The following DPYD variants were observed in gnomAD, a reference collection of about 807,000 sequenced individuals.
DPYD encodes the protein dihydropyrimidine dehydrogenase [NADP(+)].
Under a neutral mutation model 116.2 loss-of-function variants are expected in DPYD, and 109 were observed. That is an observed-to-expected ratio of 0.94 (90% CI 0.80 to 1.10). The LOEUF (loss-of-function observed/expected upper bound fraction) is 1.10, where lower values mean the gene tolerates loss of function less well. Among genes scored for constraint, DPYD ranks in the 50% least tolerant of loss-of-function variants. The pLI is 0.00. For missense variants in DPYD, 1,302 were observed against 1,254.5 expected (o/e 1.04, Z -0.57); for synonymous variants, 440 against 432.0 (o/e 1.02, Z -0.23).
Position 97,140,682 on chromosome 1 carries a change from C to G in DPYD, c.2623-42050G>C, listed in dbSNP as rs186608373. Among the ~76,000 whole-genome samples the G allele has an allele frequency of 3.9e-4, 60 of 152,178 alleles. 1 individual carries two copies. The highest frequency in any genetic ancestry group is 1.4e-3 in the African/African-American group (58 of 41,536). ...ATCACAGACGACCTAAGCATCCGGCCTTTTCTCTACTGATGCTATAGGGCC... is the reference window on the plus strand; with the variant it reads ...ATCACAGACGACCTAAGCATCCGGCGTTTTCTCTACTGATGCTATAGGGCC... On this transcript the variant is annotated intron_variant, in intron 20 of 22. Transcript: ENST00000370192.
intron 19 of DPYD, among the ~76,000 whole-genome samples, chr1:97,225,008 T>G (rs533966374): frequency 4.9e-5 from 1 of 20,580 alleles, no homozygotes; most frequent in Non-Finnish European, 1.1e-4. Flanking sequence ...TGTCTGTCTA[T>G]CTATCTATCT....
chr1:97,382,260 T>C (rs576526370), intron 15 of DPYD, 133 bp downstream of exon 15: 10 of 497,586 alleles, frequency 2.0e-5, no homozygotes, highest in African/African-American at 1.6e-4. Flanking sequence ...CAAATTATAA[T>C]AGAAATGTTT....
At chr1:97,697,088 T>C (rs1661349577) in intron 6 of DPYD, among the ~76,000 whole-genome samples, 1 of 152,128 alleles carries the variant, frequency 6.6e-6, no homozygotes, top group Non-Finnish European at 1.5e-5. Context: ...TTTATCTTTG[T>C]TATAATATCA....
At chr1:97,112,425 C>T (rs1405055314) in intron 20 of DPYD, among the ~76,000 whole-genome samples, 1 of 152,042 alleles carries the variant, frequency 6.6e-6, no homozygotes, top group Admixed American at 6.6e-5. Flanking sequence ...TGATAGTTGA[C>T]AAGTAAATGT....
chr1:97,756,521 G>T (rs1235087443), intron 3 of DPYD, among the ~76,000 whole-genome samples: 1 of 152,082 alleles, frequency 6.6e-6, no homozygotes, highest in African/African-American at 2.4e-5. Context: ...TAAACAGAAA[G>T]AAGAAGAGAA....
intron 20 of DPYD, among the ~76,000 whole-genome samples, chr1:97,131,295 G>A (rs1326139733): frequency 6.6e-6 from 1 of 152,108 alleles, no homozygotes; most frequent in African/African-American, 2.4e-5. Flanking sequence ...TCCCTAACTT[G>A]AGGTAAAAAG....
At chr1:97,763,232 T>C (rs1034483014) in intron 3 of DPYD, among the ~76,000 whole-genome samples, 3 of 152,066 alleles carry the variant, frequency 2.0e-5, no homozygotes, top group Non-Finnish European at 4.4e-5. Context: ...GCCCATATTG[T>C]ATTCCTTTCT....
rs186560824 is a variant in DPYD, at chr1:97,083,677, C to T, written c.2767-1207G>A. 2.2e-4 allele frequency among the ~76,000 whole-genome samples: 33 copies of T among 152,054 alleles called. 1 individual carries two copies. The East Asian group carries it at 5.2e-3, about 24-fold the overall frequency. On this transcript the variant is annotated intron_variant, in intron 21 of 22. Coordinates refer to ENST00000370192, the MANE Select transcript of DPYD (RefSeq NM_000110.4). ...TTCCATTTTGAAATGCTCCCATAAA[C>T]TCAAGATCTACATTTATCAGCTGCA...
At chr1:97,745,126 G>A (rs188345142) in intron 3 of DPYD, among the ~76,000 whole-genome samples, 1 of 152,016 alleles carries the variant, frequency 6.6e-6, no homozygotes, top group East Asian at 1.9e-4. Flanking sequence ...CTGCTTTTCT[G>A]ATTACACCAC....
At chr1:97,459,918 A>G (rs564644983) in intron 13 of DPYD, among the ~76,000 whole-genome samples, 2 of 152,338 alleles carry the variant, frequency 1.3e-5, no homozygotes, top group South Asian at 4.1e-4. Context: ...TGTGAAAAAC[A>G]TACGCAAAAG....
intron 15 of DPYD, among the ~76,000 whole-genome samples, chr1:97,381,480 T>A (rs538141978): frequency 6.6e-6 from 1 of 152,248 alleles, no homozygotes; most frequent in South Asian, 2.1e-4. Context: ...ATTAGGTAAA[T>A]ACATGTATCA....
chr1:97,603,015 C>T (rs1003458303), intron 8 of DPYD, among the ~76,000 whole-genome samples: 1 of 151,884 alleles, frequency 6.6e-6, no homozygotes, highest in South Asian at 2.1e-4. Flanking sequence ...TCTCTTGAGC[C>T]TTTTCTCTTC....
At chr1:97,210,242 G>A (rs915141784) in intron 19 of DPYD, among the ~76,000 whole-genome samples, 4 of 151,930 alleles carry the variant, frequency 2.6e-5, no homozygotes, top group Non-Finnish European at 4.4e-5. Flanking sequence ...AATGTAGAGC[G>A]TTTTTTTCCC....
At chr1:97,521,803 T>C (rs1048923148) in intron 12 of DPYD, among the ~76,000 whole-genome samples, 1 of 152,110 alleles carries the variant, frequency 6.6e-6, no homozygotes, top group Non-Finnish European at 1.5e-5. Context: ...AAACAAGAAA[T>C]GGGGAAAGGA....
At chr1:97,105,872 G>T (rs1394249322) in intron 20 of DPYD, among the ~76,000 whole-genome samples, 1 of 152,152 alleles carries the variant, frequency 6.6e-6, no homozygotes, top group Non-Finnish European at 1.5e-5. Context: ...GTGCCTAGTT[G>T]TAGGAGGAGA....
At chr1:97,503,926 C>A (rs935148159) in intron 13 of DPYD, among the ~76,000 whole-genome samples, 1 of 151,922 alleles carries the variant, frequency 6.6e-6, no homozygotes, top group Non-Finnish European at 1.5e-5. Context: ...TTAAAATATA[C>A]ATTTTGGCTG....
intron 8 of DPYD, among the ~76,000 whole-genome samples, chr1:97,639,000 T>G (rs1285898084): frequency 6.6e-6 from 1 of 152,148 alleles, no homozygotes; most frequent in Non-Finnish European, 1.5e-5. Context: ...ATATATATTT[T>G]TGAAGCTTTA....
chr1:97,603,921 T>C (rs1455962341), intron 8 of DPYD, among the ~76,000 whole-genome samples: 1 of 152,058 alleles, frequency 6.6e-6, no homozygotes, highest in Non-Finnish European at 1.5e-5. Context: ...AAAAATGAGG[T>C]GAAACACAAT....
At chr1:97,454,215 G>A (rs955970112) in intron 13 of DPYD, among the ~76,000 whole-genome samples, 5 of 151,850 alleles carry the variant, frequency 3.3e-5, no homozygotes, top group African/African-American at 7.2e-5. Context: ...ACTGAATTGA[G>A]ACTTTTAGAA....
Sources: allele counts gnomAD v4.1 joint callset (sites outside exome capture counted in the v4.1 genomes callset), GRCh38; gene constraint gnomAD v4.1.1; transcripts MANE v1.5; gene names NCBI Gene and HGNC (gene_info 2026-07-23, HGNC 2026-07-21).